Variants in ASXL3 observed in about 807,000 individuals in gnomAD.
ASXL3 encodes the protein ASXL transcriptional regulator 3.
A neutral mutation model predicts 170.6 loss-of-function variants in ASXL3; 34 were observed. The observed-to-expected ratio is 0.20, with a 90% CI of 0.15 to 0.27. ASXL3 has a LOEUF of 0.27. ASXL3 is among the 10% of genes least tolerant of loss of function. ASXL3 has a pLI of 1.00. For synonymous variants in ASXL3, 1,002 were observed against 989.1 expected (o/e 1.01, Z -0.24); for missense variants, 2,592 against 2,695.3 (o/e 0.96, Z 0.85).
At chr18:33,622,470 A>G (rs1238191379) in intron 2 of ASXL3, among the ~76,000 whole-genome samples, 1 of 152,186 alleles carries the variant, frequency 6.6e-6, no homozygotes, top group Admixed American at 6.6e-5. Context: ...TGTTTACTTT[A>G]TAGCACAATC....
intron 3 of ASXL3, among the ~76,000 whole-genome samples, 155 bp from the exon 4 acceptor site, chr18:33,646,090 T>G (rs1458520034): frequency 1.3e-5 from 2 of 151,994 alleles, no homozygotes; most frequent in Non-Finnish European, 2.9e-5. Context: ...GTTTTTTTTT[T>G]TAATGGAAGA....
At chr18:33,692,905 C>A (rs558642296) in intron 8 of ASXL3, among the ~76,000 whole-genome samples, 4 of 152,296 alleles carry the variant, frequency 2.6e-5, no homozygotes, top group African/African-American at 4.8e-5. Context: ...TGGCTTACAA[C>A]AGAAGTTTAT....
chr18:33,723,920 T>G (rs1447797477), intron 8 of ASXL3, among the ~76,000 whole-genome samples: 1 of 152,146 alleles, frequency 6.6e-6, no homozygotes, highest in Non-Finnish European at 1.5e-5. Context: ...GCAAAAAGAT[T>G]ATGACTCACT....
chr18:33,740,817 C>T (rs1766175491), intron 11 of ASXL3, among the ~76,000 whole-genome samples: 1 of 152,092 alleles, frequency 6.6e-6, no homozygotes, highest in Admixed American at 6.5e-5. Context: ...AGAACTTACA[C>T]CATAAACCCA....
intron 2 of ASXL3, among the ~76,000 whole-genome samples, chr18:33,612,263 G>A (rs904391544): frequency 6.6e-6 from 1 of 151,748 alleles, no homozygotes; most frequent in Non-Finnish European, 1.5e-5. Context: ...ATATTTATGA[G>A]GTACATTTTA....
Position 33,743,497 on chromosome 18 carries a change from G to A in ASXL3, c.3649G>A (p.Val1217Ile). ...IPVSHLSEKI[V>I]SSTSSENSSV... ...TGTGTCACATTTATCTGAGAAAATT[G>A]TTTCATCTACCTCTTCTGAAAATAG... Residue 1217 changes from valine to isoleucine, a missense_variant, in exon 12 of 12, where the codon GTT becomes ATT. Coordinates refer to ENST00000269197, the MANE Select transcript of ASXL3 (RefSeq NM_030632.3). The A allele has an allele frequency of 1.2e-6, 2 of 1,613,502 alleles. No individual in the cohort carries two copies. Among genetic ancestry groups the A allele is most frequent in the East Asian group, 2.2e-5 (1 of 44,870 alleles).
At chr18:33,606,791 C>T (rs1340874212) in intron 1 of ASXL3, among the ~76,000 whole-genome samples, 2 of 151,864 alleles carry the variant, frequency 1.3e-5, no homozygotes, top group Admixed American at 1.3e-4. Context: ...CATGTTGGTG[C>T]ACAATAGGGG....
intron 2 of ASXL3, among the ~76,000 whole-genome samples, chr18:33,640,705 A>G (rs1396772591): frequency 6.6e-6 from 1 of 152,106 alleles, no homozygotes; most frequent in Non-Finnish European, 1.5e-5. Context: ...TATTCTTTAT[A>G]TTTTCTCAAA....
In ASXL3 at chr18:33,748,452, ATGAT is replaced by A. The variant is rs2067832842; in HGVS notation, c.*1859_*1862del. 1 of 152,236 alleles carries A rather than the reference ATGAT, an allele frequency of 6.6e-6. No homozygotes were observed. Among genetic ancestry groups the A allele is most frequent in the African/African-American group, 2.4e-5 (1 of 41,464 alleles). 9.4% of individuals were successfully genotyped at this position (152,236 alleles called of 1,614,324 possible). Reference sequence around the variant, plus strand: ...AAAGAAAAGGCCTGCTGCTGTAGCCATGATTTTGGTGCTTCAGTACTGTCATTTC... The same window carrying A: ...AAAGAAAAGGCCTGCTGCTGTAGCCATTTGGTGCTTCAGTACTGTCATTTC... On this transcript the variant is annotated 3_prime_UTR_variant, in exon 12 of 12. Transcript: ENST00000269197.
intron 7 of ASXL3, among the ~76,000 whole-genome samples, chr18:33,680,659 A>T (rs562254671): frequency 6.6e-6 from 1 of 152,064 alleles, no homozygotes; most frequent in Non-Finnish European, 1.5e-5. Flanking sequence ...CAAGGTCACT[A>T]TATATTCCCA....
chr18:33,709,314 A>AC (rs2067017165), intron 8 of ASXL3, among the ~76,000 whole-genome samples: 1 of 151,304 alleles, frequency 6.6e-6, no homozygotes, highest in Non-Finnish European at 1.5e-5. Context: ...AAAAAAAAAA[A>AC]CAACAAAAAC....
At chr18:33,651,797 A>T (rs369486996) in intron 4 of ASXL3, among the ~76,000 whole-genome samples, 22 of 152,268 alleles carry the variant, frequency 1.4e-4, no homozygotes, top group Admixed American at 4.6e-4. Flanking sequence ...GATAATGATT[A>T]TAATACTTTA....
At chr18:33,668,865 CTAAA>C (rs2066298582) in intron 5 of ASXL3, among the ~76,000 whole-genome samples, 2 of 151,452 alleles carry the variant, frequency 1.3e-5, no homozygotes, top group South Asian at 2.1e-4. Flanking sequence ...CTTTTTTTCC[CTAAA>C]TATTTTCTAA....
intron 8 of ASXL3, among the ~76,000 whole-genome samples, chr18:33,722,667 T>C (rs1280252883): frequency 1.3e-5 from 2 of 152,162 alleles, no homozygotes; most frequent in East Asian, 1.9e-4. Flanking sequence ...CAGTGGCTGA[T>C]GTAGAAGCCA....
At chr18:33,579,557 G>A (rs1045809865) in intron 1 of ASXL3, among the ~76,000 whole-genome samples, 1 of 152,170 alleles carries the variant, frequency 6.6e-6, no homozygotes, top group Non-Finnish European at 1.5e-5. Flanking sequence ...TGGCAGAGGG[G>A]CGTCGGCGTC....
At chr18:33,641,040 T>G (rs1054259539) in intron 2 of ASXL3, among the ~76,000 whole-genome samples, 1 of 152,098 alleles carries the variant, frequency 6.6e-6, no homozygotes, top group Non-Finnish European at 1.5e-5. Flanking sequence ...TATAAAGGAA[T>G]AGTGGCTCTC....
intron 2 of ASXL3, among the ~76,000 whole-genome samples, chr18:33,634,809 C>T (rs2065739752): frequency 6.6e-6 from 1 of 152,130 alleles, no homozygotes; most frequent in Non-Finnish European, 1.5e-5. Context: ...TGAATGTGTT[C>T]CGAGCACTCA....
intron 1 of ASXL3, among the ~76,000 whole-genome samples, chr18:33,590,410 A>G (rs1020064421): frequency 4.6e-5 from 7 of 152,212 alleles, no homozygotes; most frequent in Non-Finnish European, 1.0e-4. Flanking sequence ...ATTGCTACAC[A>G]AGGATCATGT....
In ASXL3 at chr18:33,620,866, A is replaced by G. The variant is rs116975185; in HGVS notation, c.137+13190A>G. 4.6e-5 allele frequency among the ~76,000 whole-genome samples: 7 copies of G among 152,280 alleles called. No homozygotes were observed. In the East Asian group the frequency reaches 1.4e-3, roughly 29 times the overall value. The stretch of plus-strand genomic sequence containing the variant: ...AATTTCTAGTCTTTATTAAAAGGGT[A>G]CCTTTGTGATAAGAGAGTAGGGGGA... On this transcript the variant is annotated intron_variant, in intron 2 of 11. Coordinates refer to ENST00000269197, the MANE Select transcript of ASXL3 (RefSeq NM_030632.3).
Sources: gnomAD v4.1 joint callset for allele counts (sites outside exome capture counted in the v4.1 genomes callset) on GRCh38, gnomAD v4.1.1 for gene constraint, MANE v1.5 for transcripts, NCBI Gene and HGNC (gene_info 2026-07-23, HGNC 2026-07-21) for gene names.